The following ARHGEF10L variants were observed in gnomAD, a reference collection of about 807,000 sequenced individuals.
ARHGEF10L encodes the protein rho guanine nucleotide exchange factor 10-like protein.
ARHGEF10L carries 69 observed loss-of-function variants against 141.2 expected under a neutral mutation model. That is an observed-to-expected ratio of 0.49 (90% CI 0.40 to 0.60). The LOEUF (loss-of-function observed/expected upper bound fraction) is 0.60, where lower values mean the gene tolerates loss of function less well. Ranked by LOEUF, ARHGEF10L falls within the 20% of genes least tolerant of loss-of-function variation. The pLI, the probability that ARHGEF10L is intolerant of heterozygous loss-of-function variation, is 0.00. For missense variants in ARHGEF10L, 1,482 were observed against 1,734.3 expected, an observed-to-expected ratio of 0.85 and a Z score of 2.58; for synonymous variants, 711 against 718.5, an observed-to-expected ratio of 0.99 and a Z score of 0.17.
chr1:17,526,924 AG>A, the ARHGEF10L span, among the ~76,000 whole-genome samples: 27 of 139,506 alleles, frequency 1.9e-4, no homozygotes, highest in Non-Finnish European at 3.9e-4. Flanking sequence ...AAAAAAAAAA[AG>A]ACAAGGCTCA....
upstream of ARHGEF10L, among the ~76,000 whole-genome samples, chr1:17,536,108 G>C (rs570434115): frequency 6.6e-6 from 1 of 152,236 alleles, no homozygotes; most frequent in African/African-American, 2.4e-5. Flanking sequence ...CTGGGGGATG[G>C]AGTAGTCAGG....
At chr1:17,695,391 C>T (rs569179451) in intron 28 of ARHGEF10L, 111 bp downstream of exon 28, 2 of 1,403,080 alleles carry the variant, frequency 1.4e-6, no homozygotes, top group South Asian at 1.5e-5. Context: ...GATGGGGTTC[C>T]AGTCTCCAGC....
At chr1:17,599,952 G>T (rs974543374) in intron 4 of ARHGEF10L, among the ~76,000 whole-genome samples, 15 of 152,338 alleles carry the variant, frequency 9.8e-5, no homozygotes, top group African/African-American at 3.1e-4. Context: ...ATAGCCACGT[G>T]GCTGGTGGCT....
rs113553650 is a variant in ARHGEF10L at position 17,681,717 on chromosome 1, C to T, written c.3010-5856C>T. ...CGTCCTGATCACTTGGTTAGGGTAGCGTCGGCTGGATCTCTCCTTCTAAAG... is the reference window on the plus strand; with the variant it reads ...CGTCCTGATCACTTGGTTAGGGTAGTGTCGGCTGGATCTCTCCTTCTAAAG... On this transcript the variant is annotated intron_variant, in intron 26 of 28. Coordinates refer to ENST00000361221, the MANE Select transcript of ARHGEF10L (RefSeq NM_018125.4). Among the ~76,000 whole-genome samples the T allele has an allele frequency of 6.2e-3, 937 of 152,298 alleles. 9 individuals carry two copies. Among genetic ancestry groups the T allele is most frequent in the African/African-American group, 0.021 (881 of 41,562 alleles).
chr1:17,588,801 C>T (rs2079252464), intron 4 of ARHGEF10L, among the ~76,000 whole-genome samples: 1 of 147,528 alleles, frequency 6.8e-6, no homozygotes, highest in Non-Finnish European at 1.5e-5. Flanking sequence ...ATGAGAGCAC[C>T]CCCTCTGTTG....
intron 14 of ARHGEF10L, among the ~76,000 whole-genome samples, chr1:17,626,833 GA>G (rs2060414503): frequency 2.0e-5 from 3 of 152,220 alleles, no homozygotes; most frequent in Non-Finnish European, 4.4e-5. Flanking sequence ...ACTGCTCTAG[GA>G]AAACACGTAT....
rs2061184145 is a variant in ARHGEF10L, at chr1:17,639,110, T to C, written c.2171+421T>C. 6.6e-6 allele frequency among the ~76,000 whole-genome samples: 1 copy of C among 152,150 alleles called. No homozygotes were observed. Among genetic ancestry groups the C allele is most frequent in the African/African-American group, 2.4e-5 (1 of 41,446 alleles). On this transcript the variant is annotated intron_variant, in intron 20 of 28. Transcript: ENST00000361221. This position sits in a 1 kb window ranked among gnomAD's most constrained non-coding sequence, Gnocchi z 4.3. ...TGCCCACCACAGGAGCTGTGCACAG[T>C]AGACCCCAACTGAGGTTTGTGGAAC...
At chr1:17,638,533 G>A (rs1251588914) in intron 19 of ARHGEF10L, 29 bp from the exon 20 acceptor site, 1 of 1,613,868 alleles carries the variant, frequency 6.2e-7, no homozygotes, top group Non-Finnish European at 8.5e-7. Flanking sequence ...TGTGCTGTGT[G>A]GTGACCTCAT....
intron 21 of ARHGEF10L, among the ~76,000 whole-genome samples, chr1:17,646,328 G>A (rs2061598226): frequency 6.6e-6 from 1 of 152,206 alleles, no homozygotes; most frequent in Non-Finnish European, 1.5e-5. Flanking sequence ...TGACCCGGCA[G>A]GATCTCTTTG....
intron 22 of ARHGEF10L, among the ~76,000 whole-genome samples, chr1:17,653,293 C>T (rs1192565460): frequency 6.6e-6 from 1 of 152,248 alleles, no homozygotes; most frequent in Non-Finnish European, 1.5e-5. Flanking sequence ...CCCCTCCTCT[C>T]TTCTGCATAG....
At chr1:17,554,817 C>T (rs1012612420) in intron 1 of ARHGEF10L, among the ~76,000 whole-genome samples, 2 of 152,092 alleles carry the variant, frequency 1.3e-5, no homozygotes, top group African/African-American at 4.8e-5. Context: ...TCTCAAACTC[C>T]TGCGTTCAAG....
chr1:17,636,484 T>C (rs1346544295), intron 18 of ARHGEF10L, among the ~76,000 whole-genome samples: 1 of 152,224 alleles, frequency 6.6e-6, no homozygotes, highest in Non-Finnish European at 1.5e-5. Context: ...TGATGTTGTT[T>C]TGCTGAAACC....
At chr1:17,677,920 C>T (rs2063826021) in intron 26 of ARHGEF10L, among the ~76,000 whole-genome samples, 1 of 152,126 alleles carries the variant, frequency 6.6e-6, no homozygotes, top group Non-Finnish European at 1.5e-5. Flanking sequence ...TCACTGCCTG[C>T]ACTGGTCACT....
chr1:17,619,686 T>C lies in ARHGEF10L; in HGVS notation c.942+241T>C, dbSNP rs1290364131. On this transcript the variant is annotated intron_variant, in intron 10 of 28. Transcript: ENST00000361221. This position sits in a 1 kb window ranked among gnomAD's most constrained non-coding sequence, Gnocchi z 5.0. The stretch of plus-strand genomic sequence containing the variant: ...TTTTGGGGGGTGGGCTCCCGGCATC[T>C]AGAACGCTTGCGTCCCCCAACTCCA... 6.6e-6 allele frequency among the ~76,000 whole-genome samples: 1 copy of C among 152,128 alleles called. No homozygotes were observed. Among genetic ancestry groups the C allele is most frequent in the Admixed American group, 6.6e-5 (1 of 15,262 alleles).
chr1:17,691,068 C>T (rs1198832196), intron 27 of ARHGEF10L: 2 of 447,476 alleles, frequency 4.5e-6, no homozygotes, highest in Admixed American at 2.5e-5. Context: ...CTCGCATACT[C>T]GACTGGTATT....
chr1:17,553,976 C>T (rs1278261446), intron 1 of ARHGEF10L, among the ~76,000 whole-genome samples: 3 of 152,044 alleles, frequency 2.0e-5, no homozygotes, highest in African/African-American at 7.3e-5. Context: ...GCTAACTTTC[C>T]CAAGGGTCAA....
chr1:17,629,813 C>T (rs1487579276), intron 15 of ARHGEF10L, among the ~76,000 whole-genome samples: 2 of 152,234 alleles, frequency 1.3e-5, no homozygotes, highest in African/African-American at 4.8e-5. Flanking sequence ...CTCCTCTCCC[C>T]ACCTTCGGCT....
At position 17,607,625 on chromosome 1, in the gene ARHGEF10L, G is replaced by A. The variant is rs1281365642; in HGVS notation, c.434-177G>A. 5.9e-5 allele frequency among the ~76,000 whole-genome samples: 9 copies of A among 152,346 alleles called. No individual in the cohort carries two copies. Among genetic ancestry groups the A allele is most frequent in the Middle Eastern group, 3.4e-3 (1 of 294 alleles). On this transcript the variant is annotated intron_variant, in intron 6 of 28. Coordinates refer to ENST00000361221, the MANE Select transcript of ARHGEF10L (RefSeq NM_018125.4). The surrounding 1 kb of genome is among the most constrained non-coding windows in gnomAD (Gnocchi z 4.5). ...CAGGCCCTCCTTGCCCTACGAGGGG[G>A]AAAATGTATTATCATCTTCGTTTCA...
In ARHGEF10L at chr1:17,697,072, C is replaced by T. The variant is rs768691806; in HGVS notation, c.3532C>T (p.Arg1178Cys). 1.0e-4 allele frequency: 162 copies of T among 1,605,086 alleles called. No homozygotes were observed. Among genetic ancestry groups the T allele is most frequent in the Non-Finnish European group, 1.2e-4 (140 of 1,175,030 alleles). ...KKGILLQYRL[R>C]STAHLPGPLL... Reference sequence around the variant, plus strand: ...GGGCATCCTCTTGCAGTACCGCCTGCGCTCCACCGCACACCTCCCGGGCCC... The same window carrying T: ...GGGCATCCTCTTGCAGTACCGCCTGTGCTCCACCGCACACCTCCCGGGCCC... Residue 1178 changes from arginine (R) to cysteine (C), a missense_variant, in exon 29 of 29, where the codon CGC becomes TGC. Around this residue, in one of 3 missense-constraint regions of ARHGEF10L, gnomAD observed 858 missense variants for 966.3 expected, o/e 0.89. Coordinates refer to ENST00000361221, the MANE Select transcript of ARHGEF10L (RefSeq NM_018125.4). The surrounding 1 kb of genome is among the most constrained non-coding windows in gnomAD (Gnocchi z 4.8).
Sources: allele counts gnomAD v4.1 joint callset (sites outside exome capture counted in the v4.1 genomes callset), GRCh38; gene constraint gnomAD v4.1.1; regional missense constraint gnomAD v4.1.1; non-coding constraint Gnocchi (gnomAD v3.1); transcripts MANE v1.5; gene names NCBI Gene and HGNC (gene_info 2026-07-23, HGNC 2026-07-21).